Variants in IL1RAP observed in about 807,000 individuals in gnomAD.
IL1RAP encodes interleukin-1 receptor accessory protein.
IL1RAP carries 35 observed loss-of-function variants against 60.7 expected under a neutral mutation model. The observed-to-expected ratio is 0.58, with a 90% confidence interval of 0.44 to 0.76. The LOEUF (loss-of-function observed/expected upper bound fraction) is 0.76, where lower values mean the gene tolerates loss of function less well. IL1RAP is among the 30% of genes least tolerant of loss of function. The pLI is 0.00. For synonymous variants in IL1RAP, 268 were observed against 250.9 expected (o/e 1.07, Z -0.64); for missense variants, 572 against 693.9 (o/e 0.82, Z 1.97).
At chr3:190,564,398 G>T (rs41347444) in intron 3 of IL1RAP, 45 bp downstream of exon 3, 10 of 1,222,288 alleles carry the variant, frequency 8.2e-6, no homozygotes, top group Non-Finnish European at 1.2e-5. Flanking sequence ...CAAGTCATGC[G>T]TAGGGTAATG....
intron 1 of IL1RAP, among the ~76,000 whole-genome samples, chr3:190,547,424 T>A (rs1484073908): frequency 2.6e-5 from 4 of 152,182 alleles, no homozygotes; most frequent in Non-Finnish European, 4.4e-5. Flanking sequence ...TAGAATTTTC[T>A]CAACAGGGAC....
intron 3 of IL1RAP, among the ~76,000 whole-genome samples, chr3:190,587,509 G>A (rs768455373): frequency 6.6e-6 from 1 of 152,180 alleles, no homozygotes; most frequent in Non-Finnish European, 1.5e-5. Context: ...CAAGAAACCA[G>A]GTCTTCTGAC....
In IL1RAP at chr3:190,648,487, A is replaced by C. The variant is rs1314771030; in HGVS notation, c.1495A>C (p.Ile499Leu). ...GGCCTCTCGGGGCAACATCAACGTC[A>C]TTTTAGTACAGTACAAAGCTGTGAA... ...NMASRGNINV[I>L]LVQYKAVKET... The change falls in exon 12 of 12, where the codon ATT (isoleucine) becomes CTT (leucine). Residue 499 changes from isoleucine to leucine, a missense_variant. Coordinates refer to ENST00000447382, the MANE Select transcript of IL1RAP (RefSeq NM_002182.4). 4.3e-6 allele frequency: 7 copies of C among 1,614,100 alleles called. No individual in the cohort carries two copies. Among genetic ancestry groups the C allele is most frequent in the Non-Finnish European group, 5.9e-6 (7 of 1,179,990 alleles).
At chr3:190,577,018 G>A (rs1370958173) in intron 3 of IL1RAP, among the ~76,000 whole-genome samples, 4 of 150,662 alleles carry the variant, frequency 2.7e-5, no homozygotes, top group East Asian at 3.9e-4. Context: ...GGAGAATGGC[G>A]TGAACCCGGG....
chr3:190,570,367 C>T (rs1726803228), intron 3 of IL1RAP, among the ~76,000 whole-genome samples: 1 of 152,164 alleles, frequency 6.6e-6, no homozygotes, highest in Non-Finnish European at 1.5e-5. Context: ...TCCTCAGCAA[C>T]CTAGACCATA....
chr3:190,536,895 A>G (rs532194452), intron 1 of IL1RAP, among the ~76,000 whole-genome samples: 1 of 152,186 alleles, frequency 6.6e-6, no homozygotes, highest in Non-Finnish European at 1.5e-5. Flanking sequence ...AAAAAGAAAA[A>G]CAGTTATATG....
intron 1 of IL1RAP, among the ~76,000 whole-genome samples, chr3:190,553,130 C>T (rs1725013722): frequency 6.6e-6 from 1 of 152,266 alleles, no homozygotes; most frequent in South Asian, 2.1e-4. Context: ...CATAGGTAAG[C>T]TAAACAAAGC....
At chr3:190,633,942 T>C (rs1394664628) in intron 9 of IL1RAP, among the ~76,000 whole-genome samples, 3 of 152,226 alleles carry the variant, frequency 2.0e-5, no homozygotes, top group Non-Finnish European at 4.4e-5. Flanking sequence ...CATCTTTGCA[T>C]TGTTTCCAAA....
At chr3:190,528,672 C>T (rs142192099) in intron 1 of IL1RAP, among the ~76,000 whole-genome samples, 3 of 152,228 alleles carry the variant, frequency 2.0e-5, no homozygotes, top group Non-Finnish European at 4.4e-5. Context: ...GTTTATAATA[C>T]AATTTATACA....
At chr3:190,559,942 C>G (rs901071525) in intron 2 of IL1RAP, among the ~76,000 whole-genome samples, 1 of 152,124 alleles carries the variant, frequency 6.6e-6, no homozygotes, top group Non-Finnish European at 1.5e-5. Flanking sequence ...TCAGAGTCTT[C>G]CATGTCACTT....
chr3:190,543,128 GCTTACA>G (rs567588719), intron 1 of IL1RAP, among the ~76,000 whole-genome samples: 32 of 152,150 alleles, frequency 2.1e-4, no homozygotes, highest in African/African-American at 6.3e-4. Context: ...CATAACCAAG[GCTTACA>G]CTGACAAAGG....
At chr3:190,526,281 G>A (rs184886466) in intron 1 of IL1RAP, among the ~76,000 whole-genome samples, 178 of 152,232 alleles carry the variant, frequency 1.2e-3, no homozygotes, top group African/African-American at 4.0e-3. Context: ...ACTGAGACCC[G>A]GAATCACAGA....
intron 3 of IL1RAP, among the ~76,000 whole-genome samples, chr3:190,590,546 G>A (rs1317066194): frequency 3.3e-5 from 5 of 152,120 alleles, no homozygotes; most frequent in Admixed American, 2.0e-4. Context: ...GTGAGCCACC[G>A]TGCCTGGCCA....
At chr3:190,639,062 T>C (rs1733451778) in intron 9 of IL1RAP, among the ~76,000 whole-genome samples, 1 of 152,202 alleles carries the variant, frequency 6.6e-6, no homozygotes, top group Non-Finnish European at 1.5e-5. Flanking sequence ...CTTTTCTTTA[T>C]TGATTTTGAA....
At chr3:190,610,960 T>C (rs982735497) in intron 5 of IL1RAP, among the ~76,000 whole-genome samples, 1 of 152,206 alleles carries the variant, frequency 6.6e-6, no homozygotes, top group South Asian at 2.1e-4. Context: ...TTTAATGGGT[T>C]ACATTTGGAT....
At position 190,627,436 on chromosome 3, in the gene IL1RAP, A is replaced by T; in HGVS notation, c.889A>T (p.Thr297Ser). The T allele has an allele frequency of 6.2e-7, 1 of 1,610,296 alleles. No homozygotes were observed. Among genetic ancestry groups the T allele is most frequent in the Non-Finnish European group, 8.5e-7 (1 of 1,178,630 alleles). The change falls in exon 8 of 12, where the codon ACC becomes TCC. Residue 297 changes from threonine to serine, a missense_variant. By Grantham distance (58) the Thr-to-Ser change is moderately conservative (BLOSUM62 1). Coordinates refer to ENST00000447382, the MANE Select transcript of IL1RAP (RefSeq NM_002182.4). Reference sequence around the variant, plus strand: ...ACCTGATGACATCACTATTGATGTCACCATTAACGAAAGGTATCATGGGGG... The same window carrying T: ...ACCTGATGACATCACTATTGATGTCTCCATTAACGAAAGGTATCATGGGGG... ...KKPDDITIDV[T>S]INESISHSRT...
At chr3:190,547,689 C>G (rs80220504) in intron 1 of IL1RAP, among the ~76,000 whole-genome samples, 4,841 of 152,258 alleles carry the variant, frequency 0.032, 109 homozygotes, top group South Asian at 0.073. Flanking sequence ...TGTGCTTTCT[C>G]CCAGGTGGCG....
At chr3:190,656,433 G>T (rs1049311986), downstream of IL1RAP, 4 of 1,537,234 alleles carry the variant, frequency 2.6e-6, no homozygotes, top group Admixed American at 7.8e-5. Context: ...GCCGGGCAGA[G>T]ATTCATAACC....
intron 4 of IL1RAP, among the ~76,000 whole-genome samples, chr3:190,606,507 G>A (rs1730341374): frequency 6.6e-6 from 1 of 152,222 alleles, no homozygotes; most frequent in South Asian, 2.1e-4. Flanking sequence ...TCTCCACTGT[G>A]TATCTTAGTG....
Sources: gnomAD v4.1 joint callset for allele counts (sites outside exome capture counted in the v4.1 genomes callset) on GRCh38, gnomAD v4.1.1 for gene constraint, MANE v1.5 for transcripts, NCBI Gene and HGNC (gene_info 2026-07-23, HGNC 2026-07-21) for gene names.